AGBL4: variants seen among roughly 807,000 people sequenced by gnomAD.
The protein encoded by AGBL4 is cytosolic carboxypeptidase 6.
A neutral mutation model predicts 66.4 loss-of-function variants in AGBL4; 58 were observed. The ratio of observed to expected loss-of-function variants is 0.87; its 90% CI spans 0.71 to 1.09. The LOEUF (loss-of-function observed/expected upper bound fraction) is 1.09, where lower values mean the gene tolerates loss of function less well. Among genes scored for constraint, AGBL4 ranks in the 50% least tolerant of loss-of-function variants. The pLI is 0.00. For missense variants in AGBL4, 579 were observed against 631.0 expected, an observed-to-expected ratio of 0.92 and a Z score of 0.88; for synonymous variants, 234 against 222.9, an observed-to-expected ratio of 1.05 and a Z score of -0.44.
intron 3 of AGBL4, among the ~76,000 whole-genome samples, chr1:49,307,324 CA>C (rs1309958372): frequency 6.6e-6 from 1 of 151,846 alleles, no homozygotes; most frequent in Admixed American, 6.6e-5. Flanking sequence ...GAGATGAAAA[CA>C]AAAACAAAAA....
At chr1:48,686,533 C>T (rs1022634809) in intron 6 of AGBL4, among the ~76,000 whole-genome samples, 2 of 151,766 alleles carry the variant, frequency 1.3e-5, no homozygotes, top group African/African-American at 2.4e-5. Flanking sequence ...ATGTGTTGAA[C>T]GAGTAGAAAG....
chr1:48,673,946 C>T (rs754271820), intron 6 of AGBL4, among the ~76,000 whole-genome samples: 1 of 152,180 alleles, frequency 6.6e-6, no homozygotes, highest in African/African-American at 2.4e-5. Flanking sequence ...TCCTTCCTCC[C>T]CTGTAGCCCA....
At chr1:49,642,006 A>G (rs1368895737) in intron 3 of AGBL4, among the ~76,000 whole-genome samples, 1 of 152,034 alleles carries the variant, frequency 6.6e-6, no homozygotes, top group Non-Finnish European at 1.5e-5. Context: ...ATTAAATTTC[A>G]TGTCATATTT....
chr1:48,830,393 G>A (rs1646523283), intron 6 of AGBL4, among the ~76,000 whole-genome samples: 1 of 152,166 alleles, frequency 6.6e-6, no homozygotes, highest in South Asian at 2.1e-4. Context: ...GGTTATACAT[G>A]TTAAGAACCA....
At chr1:49,271,528 A>G (rs1222544126) in intron 3 of AGBL4, among the ~76,000 whole-genome samples, 2 of 150,358 alleles carry the variant, frequency 1.3e-5, no homozygotes. Flanking sequence ...ACACACACAC[A>G]CACACACACA....
At chr1:48,938,674 T>C (rs772501914) in intron 5 of AGBL4, among the ~76,000 whole-genome samples, 7 of 152,342 alleles carry the variant, frequency 4.6e-5, no homozygotes, top group Admixed American at 6.5e-5. Flanking sequence ...AAATTGGGCA[T>C]TTGTATATGT....
At chr1:49,548,142 AC>A (rs1286519255) in intron 3 of AGBL4, among the ~76,000 whole-genome samples, 1 of 152,184 alleles carries the variant, frequency 6.6e-6, no homozygotes, top group African/African-American at 2.4e-5. Context: ...TGATTTGTGT[AC>A]ACTAGTCTTG....
At chr1:48,919,709 C>T (rs12084246) in intron 5 of AGBL4, among the ~76,000 whole-genome samples, 2,955 of 152,270 alleles carry the variant, frequency 0.019, 101 homozygotes, top group African/African-American at 0.066. Context: ...GGCTCTTACC[C>T]ACTAGATGCC....
At chr1:49,502,649 T>C (rs1648274294) in intron 3 of AGBL4, among the ~76,000 whole-genome samples, 1 of 152,040 alleles carries the variant, frequency 6.6e-6, no homozygotes, top group African/African-American at 2.4e-5. Flanking sequence ...ATATGGACAA[T>C]GAAGTCCAGA....
chr1:48,856,944 A>C (rs1015213008), intron 6 of AGBL4, among the ~76,000 whole-genome samples: 2 of 152,184 alleles, frequency 1.3e-5, no homozygotes, highest in African/African-American at 4.8e-5. Context: ...TGAAAGGGAT[A>C]ATATCACAGA....
At chr1:48,789,339 A>G (rs2148727636) in intron 6 of AGBL4, among the ~76,000 whole-genome samples, 1 of 151,116 alleles carries the variant, frequency 6.6e-6, no homozygotes, top group South Asian at 2.1e-4. Context: ...CCCAGGCTGG[A>G]GTGCAGTGGC....
chr1:49,858,584 A>G (rs920692132), intron 1 of AGBL4, among the ~76,000 whole-genome samples: 13 of 152,190 alleles, frequency 8.5e-5, no homozygotes, highest in Admixed American at 8.5e-4. Context: ...TCGAGAGGCT[A>G]TATTAAAATA....
chr1:49,824,833 A>G (rs1437016169), intron 2 of AGBL4, among the ~76,000 whole-genome samples: 2 of 152,260 alleles, frequency 1.3e-5, no homozygotes, highest in Non-Finnish European at 2.9e-5. Flanking sequence ...AGTCATGGAA[A>G]GTGCTAAATG....
At chr1:49,576,516 T>C (rs1644439541) in intron 3 of AGBL4, among the ~76,000 whole-genome samples, 1 of 152,244 alleles carries the variant, frequency 6.6e-6, no homozygotes, top group South Asian at 2.1e-4. Context: ...TTTGGCTTGT[T>C]ACTGGGCTTT....
At chr1:48,974,447 G>A (rs1168403550) in intron 5 of AGBL4, among the ~76,000 whole-genome samples, 5 of 152,090 alleles carry the variant, frequency 3.3e-5, no homozygotes, top group African/African-American at 1.2e-4. Flanking sequence ...TGCCACACTG[G>A]GAGAAGTGTA....
At chr1:49,355,499 T>C (rs1311690686) in intron 3 of AGBL4, among the ~76,000 whole-genome samples, 1 of 152,150 alleles carries the variant, frequency 6.6e-6, no homozygotes, top group Admixed American at 6.5e-5. Flanking sequence ...CTAACTGCTC[T>C]CCTTGATTCC....
chr1:49,268,975 A>G (rs1219072049), intron 3 of AGBL4: 1 of 152,190 alleles, frequency 6.6e-6, no homozygotes, highest in African/African-American at 2.4e-5. Flanking sequence ...GTTTTGCCCA[A>G]TAAAACCTGG....
At position 49,069,075 on chromosome 1, in the gene AGBL4, G is replaced by T. The variant is rs1424003910; in HGVS notation, c.378-23275C>A. Among the ~76,000 whole-genome samples, 4 of 152,118 alleles carry T rather than the reference G, an allele frequency of 2.6e-5. No individual in the cohort carries two copies. The East Asian group carries it at 5.8e-4, about 22-fold the overall frequency. On this transcript the variant is annotated intron_variant, in intron 4 of 13. Coordinates refer to ENST00000371839, the MANE Select transcript of AGBL4 (RefSeq NM_032785.4). Reference sequence around the variant, plus strand: ...TATAATTTGCCCACTTCTTGATGGGGTTGTTTGTTTTTTTCTTGTAAATTT... The same window carrying T: ...TATAATTTGCCCACTTCTTGATGGGTTTGTTTGTTTTTTTCTTGTAAATTT...
At chr1:48,869,068 G>T (rs904162863) in intron 5 of AGBL4, among the ~76,000 whole-genome samples, 5 of 152,082 alleles carry the variant, frequency 3.3e-5, no homozygotes, top group African/African-American at 1.2e-4. Context: ...CAAAATCTCT[G>T]TAAGATTTCT....
Sources: gnomAD v4.1 joint callset for allele counts (sites outside exome capture counted in the v4.1 genomes callset) on GRCh38, gnomAD v4.1.1 for gene constraint, MANE v1.5 for transcripts, NCBI Gene and HGNC (gene_info 2026-07-23, HGNC 2026-07-21) for gene names.